The following XKR4 variants were observed in gnomAD, a reference collection of about 807,000 sequenced individuals.
The protein encoded by XKR4 is XK-related protein 4.
In XKR4, 12 loss-of-function variants were observed where a neutral mutation model predicts 53.9. The ratio of observed to expected loss-of-function variants is 0.22; its 90% confidence interval spans 0.14 to 0.36. The LOEUF (loss-of-function observed/expected upper bound fraction) is 0.36. XKR4 is among the 10% of genes least tolerant of loss of function. The pLI is 1.00. For missense variants in XKR4, 799 were observed against 859.5 expected (o/e 0.93, Z 0.88); for synonymous variants, 354 against 362.4 (o/e 0.98, Z 0.26).
chr8:55,397,383 A>G (rs1804536734), intron 2 of XKR4, among the ~76,000 whole-genome samples: 1 of 152,160 alleles, frequency 6.6e-6, no homozygotes. Flanking sequence ...GCTTTATTCA[A>G]AAGATTGCCA....
intron 2 of XKR4, among the ~76,000 whole-genome samples, chr8:55,473,736 A>G (rs1805928155): frequency 6.6e-6 from 1 of 152,138 alleles, no homozygotes; most frequent in Non-Finnish European, 1.5e-5. Flanking sequence ...TATATTGGCT[A>G]TAATGGTTTA....
At chr8:55,478,743 T>C (rs1281497030) in intron 2 of XKR4, among the ~76,000 whole-genome samples, 1 of 152,084 alleles carries the variant, frequency 6.6e-6, no homozygotes, top group Non-Finnish European at 1.5e-5. Context: ...AGGCAGGGGT[T>C]GCAATCCTAG....
intron 1 of XKR4, among the ~76,000 whole-genome samples, chr8:55,232,565 T>A (rs112100007): frequency 0.019 from 2,846 of 152,328 alleles, 93 homozygotes; most frequent in African/African-American, 0.064. Flanking sequence ...TCAAATTTTT[T>A]AAATTTTTAT....
intron 1 of XKR4, among the ~76,000 whole-genome samples, chr8:55,241,456 A>G (rs1317377689): frequency 2.6e-5 from 4 of 151,254 alleles, no homozygotes; most frequent in South Asian, 2.1e-4. Context: ...ACTGCAGTCC[A>G]TCAGCCCAGG....
chr8:55,176,923 A>T (rs990792433), intron 1 of XKR4, among the ~76,000 whole-genome samples: 2 of 152,072 alleles, frequency 1.3e-5, no homozygotes, highest in African/African-American at 4.8e-5. Context: ...CCACGAGGCA[A>T]ATTTGTGCGC....
intron 2 of XKR4, among the ~76,000 whole-genome samples, chr8:55,398,573 T>C (rs569042186): frequency 8.5e-5 from 13 of 152,288 alleles, no homozygotes; most frequent in African/African-American, 3.1e-4. Flanking sequence ...TGTTCATCTT[T>C]GCTTGGGCAT....
chr8:55,451,755 C>T (rs1209894374), intron 2 of XKR4: 3 of 1,137,188 alleles, frequency 2.6e-6, no homozygotes, highest in East Asian at 2.4e-5. Flanking sequence ...TGGCCCGGCT[C>T]AGGCGGCTGC....
At chr8:55,455,089 C>A in intron 2 of XKR4, 2 of 675,820 alleles carry the variant, frequency 3.0e-6, no homozygotes, top group South Asian at 3.1e-5. Flanking sequence ...CACTCCCGCG[C>A]GGGTGCGGCC....
chr8:55,116,520 A>T (rs1585886726), intron 1 of XKR4, among the ~76,000 whole-genome samples: 4 of 152,324 alleles, frequency 2.6e-5, no homozygotes, highest in Admixed American at 2.6e-4. Context: ...GTAACGTTCA[A>T]CAATATGACA....
At chr8:55,333,953 A>G (rs1016251944) in intron 1 of XKR4, among the ~76,000 whole-genome samples, 1 of 152,144 alleles carries the variant, frequency 6.6e-6, no homozygotes, top group East Asian at 1.9e-4. Context: ...TATATCTTTG[A>G]CTGATTTACA....
intron 1 of XKR4, among the ~76,000 whole-genome samples, chr8:55,245,476 G>A (rs1029329471): frequency 5.3e-5 from 8 of 151,888 alleles, no homozygotes; most frequent in African/African-American, 1.5e-4. Context: ...TTAAATAAAG[G>A]GTCCATACCT....
intron 2 of XKR4, among the ~76,000 whole-genome samples, chr8:55,457,946 C>CA (rs1376062752): frequency 1.4e-5 from 2 of 146,912 alleles, no homozygotes; most frequent in Admixed American, 7.1e-5. Context: ...TAGAACTACA[C>CA]ACAAAAAAAC....
chr8:55,493,271 A>T (rs1249604496), intron 2 of XKR4, among the ~76,000 whole-genome samples: 3 of 152,218 alleles, frequency 2.0e-5, no homozygotes, highest in Admixed American at 1.3e-4. Flanking sequence ...AGTAATGCCC[A>T]TCTAATTCCT....
At chr8:55,160,459 A>T (rs1372108426) in intron 1 of XKR4, among the ~76,000 whole-genome samples, 3 of 152,120 alleles carry the variant, frequency 2.0e-5, no homozygotes, top group African/African-American at 7.2e-5. Context: ...ATTTAGTGGG[A>T]TGGTGGGCCT....
At chr8:55,450,010 G>T in intron 2 of XKR4, 1 of 788,816 alleles carries the variant, frequency 1.3e-6, no homozygotes, top group South Asian at 1.4e-5. Flanking sequence ...GCGGTGGTGA[G>T]GTGCGGTGGA....
chr8:55,457,501 A>C (rs766174860), intron 2 of XKR4, among the ~76,000 whole-genome samples: 2 of 152,214 alleles, frequency 1.3e-5, no homozygotes, highest in Non-Finnish European at 2.9e-5. Context: ...TATTCCCCAA[A>C]AAATAAAAGC....
intron 2 of XKR4, among the ~76,000 whole-genome samples, chr8:55,382,768 G>GT (rs200178560): frequency 8.3e-4 from 126 of 151,314 alleles, no homozygotes; most frequent in African/African-American, 2.4e-3. Flanking sequence ...TTAGCATCTG[G>GT]TTTTTTTTTA....
chr8:55,493,445 C>T (rs7840419), intron 2 of XKR4, among the ~76,000 whole-genome samples: 8,240 of 152,272 alleles, frequency 0.054, 606 homozygotes, highest in East Asian at 0.27. Context: ...TAGTTTCTAT[C>T]TTCTTCCCAC....
intron 2 of XKR4, among the ~76,000 whole-genome samples, chr8:55,447,590 A>G (rs902669546): frequency 1.3e-5 from 2 of 152,234 alleles, no homozygotes; most frequent in Non-Finnish European, 2.9e-5. Flanking sequence ...TCTTTCATTA[A>G]GAGTTTGTGG....
Sources: gnomAD v4.1 joint callset for allele counts (sites outside exome capture counted in the v4.1 genomes callset) on GRCh38, gnomAD v4.1.1 for gene constraint, MANE v1.5 for transcripts, NCBI Gene and HGNC (gene_info 2026-07-23, HGNC 2026-07-21) for gene names.